The following GSE1 variants were observed in gnomAD, a reference collection of about 807,000 sequenced individuals.
GSE1 encodes the protein Gse1 coiled-coil protein.
Under a neutral mutation model 112.6 loss-of-function variants are expected in GSE1, and 32 were observed. The observed-to-expected ratio is 0.28, with a 90% CI of 0.21 to 0.38. GSE1 has a LOEUF of 0.38. Among genes scored for constraint, GSE1 ranks in the 10% least tolerant of loss-of-function variants. The pLI, the probability that GSE1 is intolerant of heterozygous loss-of-function variation, is 1.00. For missense variants in GSE1, 2,348 were observed against 1,699.2 expected (o/e 1.38, Z -6.71); for synonymous variants, 1,115 against 735.6 (o/e 1.52, Z -8.35).
intron 2 of GSE1, among the ~76,000 whole-genome samples, chr16:85,513,890 C>T (rs986447312): frequency 6.6e-6 from 1 of 152,128 alleles, no homozygotes; most frequent in Non-Finnish European, 1.5e-5. Context: ...GGGACCCCAC[C>T]GCGGTGTCTG....
At chr16:85,496,052 G>A (rs1448468671) in intron 2 of GSE1, among the ~76,000 whole-genome samples, 1 of 152,226 alleles carries the variant, frequency 6.6e-6, no homozygotes, top group Non-Finnish European at 1.5e-5. Context: ...CTGCAAGCCA[G>A]AGCTGGATCC....
At chr16:85,202,901 C>T (rs1422337912) in intron 1 of GSE1, among the ~76,000 whole-genome samples, 3 of 152,176 alleles carry the variant, frequency 2.0e-5, no homozygotes, top group Non-Finnish European at 4.4e-5. Flanking sequence ...GGCTGTGCCC[C>T]AGCTCTGTGG....
chr16:85,626,304 A>G (rs2049064683), intron 1 of GSE1, among the ~76,000 whole-genome samples: 1 of 152,156 alleles, frequency 6.6e-6, no homozygotes, highest in East Asian at 1.9e-4. Context: ...TGAATTTATC[A>G]TGAAGCCGCC....
chr16:85,546,935 C>G (rs1352791129), intron 2 of GSE1, among the ~76,000 whole-genome samples: 1 of 152,190 alleles, frequency 6.6e-6, no homozygotes, highest in Non-Finnish European at 1.5e-5. Context: ...CCGATGATCT[C>G]CGGGGGCCAG....
intron 2 of GSE1, among the ~76,000 whole-genome samples, chr16:85,642,304 C>G (rs879779128): frequency 6.6e-6 from 1 of 152,218 alleles, no homozygotes; most frequent in Non-Finnish European, 1.5e-5. Context: ...GAGAGAGACC[C>G]TGTCTCTAAA....
At chr16:85,493,431 G>T (rs1037494455) in intron 2 of GSE1, among the ~76,000 whole-genome samples, 11 of 152,012 alleles carry the variant, frequency 7.2e-5, no homozygotes, top group African/African-American at 2.7e-4. Context: ...GGCCAACAGA[G>T]GCAAACCCCA....
chr16:85,298,282 C>T (rs2045422982), intron 1 of GSE1, among the ~76,000 whole-genome samples: 1 of 152,154 alleles, frequency 6.6e-6, no homozygotes, highest in African/African-American at 2.4e-5. Context: ...GCCCAGATGT[C>T]TCCAAGAGGC....
Position 85,253,346 on chromosome 16 carries a change from C to T in GSE1, c.2283+81539C>T, listed in dbSNP as rs555603101. On this transcript the variant is annotated intron_variant, in intron 1 of 2. Coordinates refer to the GSE1 transcript ENST00000637419. Reference sequence around the variant, plus strand: ...CTCCTGGGTGGTGGGGCACTGTGCCCGCTGCCCGCTAGGTGTCGCTGTCCC... The same window carrying T: ...CTCCTGGGTGGTGGGGCACTGTGCCTGCTGCCCGCTAGGTGTCGCTGTCCC... Among the ~76,000 whole-genome samples the T allele has an allele frequency of 4.6e-5, 7 of 152,226 alleles. No individual in the cohort carries two copies. The Middle Eastern group carries it at 0.01, about 222-fold the overall frequency.
intron 6 of GSE1, 93 bp downstream of exon 6, chr16:85,656,010 C>T (rs910768959): frequency 2.0e-5 from 20 of 988,920 alleles, no homozygotes; most frequent in Non-Finnish European, 2.8e-5. Context: ...GACTGGACTC[C>T]TTGGCCATGC....
intron 2 of GSE1, among the ~76,000 whole-genome samples, chr16:85,545,696 A>G (rs2044670232): frequency 2.0e-5 from 3 of 152,248 alleles, no homozygotes; most frequent in South Asian, 4.1e-4. Flanking sequence ...CATGTAGCAC[A>G]GTATTCGGCA....
intron 1 of GSE1, among the ~76,000 whole-genome samples, chr16:85,564,853 C>A (rs2045670500): frequency 6.6e-6 from 1 of 152,182 alleles, no homozygotes; most frequent in South Asian, 2.1e-4. Context: ...ATGCATTAGG[C>A]CCAGTCCTTG....
At chr16:85,455,981 G>A (rs908593734) in intron 2 of GSE1, among the ~76,000 whole-genome samples, 2 of 152,212 alleles carry the variant, frequency 1.3e-5, no homozygotes, top group African/African-American at 2.4e-5. Context: ...TTTTAGAGAC[G>A]AGGAAACTAA....
chr16:85,597,397 A>T (rs2047280082), intron 1 of GSE1, among the ~76,000 whole-genome samples: 1 of 147,948 alleles, frequency 6.8e-6, no homozygotes, highest in Admixed American at 6.7e-5. Flanking sequence ...AAAAAAAAAA[A>T]AGAAGAAGAA....
intron 1 of GSE1, among the ~76,000 whole-genome samples, chr16:85,306,827 A>G (rs896377085): frequency 6.6e-6 from 1 of 152,214 alleles, no homozygotes. Flanking sequence ...TAGGCTGAGC[A>G]TTTTCCGGAA....
At chr16:85,372,651 G>A (rs1438477621) in intron 2 of GSE1, among the ~76,000 whole-genome samples, 1 of 152,236 alleles carries the variant, frequency 6.6e-6, no homozygotes, top group African/African-American at 2.4e-5. Flanking sequence ...CAAGGAGTCT[G>A]TGGAGGTCAG....
In GSE1 at chr16:85,586,444, C is replaced by T. The variant is rs143510773; in HGVS notation, c.37+30081C>T. 7.2e-5 allele frequency among the ~76,000 whole-genome samples: 11 copies of T among 152,300 alleles called. 1 individual carries two copies. In the East Asian group the frequency reaches 2.1e-3, roughly 29 times the overall value. ...CCCCATCTCTCTGATCTCGCCTTCC[C>T]ATGGGCTCAGCCCGAAGGCTGTTTC... On this transcript the variant is annotated intron_variant, in intron 1 of 2. Coordinates refer to the GSE1 transcript ENST00000635906.
intron 1 of GSE1, among the ~76,000 whole-genome samples, chr16:85,267,875 G>C (rs1908415622): frequency 6.6e-6 from 1 of 152,180 alleles, no homozygotes; most frequent in South Asian, 2.1e-4. Flanking sequence ...TCAAACCCCA[G>C]CTCTGCCACA....
At chr16:85,435,349 C>T (rs1303102979) in intron 2 of GSE1, among the ~76,000 whole-genome samples, 2 of 150,678 alleles carry the variant, frequency 1.3e-5, no homozygotes, top group Non-Finnish European at 3.0e-5. Flanking sequence ...TTAGACTGTG[C>T]CCTCCATGGA....
intron 2 of GSE1, among the ~76,000 whole-genome samples, chr16:85,517,298 G>A (rs1334662463): frequency 6.6e-6 from 1 of 152,214 alleles, no homozygotes; most frequent in Non-Finnish European, 1.5e-5. Flanking sequence ...CTAGGTTCTA[G>A]CACAGCCATG....
Sources: gnomAD v4.1 joint callset for allele counts (sites outside exome capture counted in the v4.1 genomes callset) on GRCh38, gnomAD v4.1.1 for gene constraint, MANE v1.5 for transcripts, NCBI Gene and HGNC (gene_info 2026-07-23, HGNC 2026-07-21) for gene names.